Variants in SORCS2 observed in about 807,000 individuals in gnomAD.
SORCS2 encodes sortilin related VPS10 domain containing receptor 2, also known as VPS10 domain-containing receptor SorCS2.
A neutral mutation model predicts 141.6 loss-of-function variants in SORCS2; 100 were observed. The ratio of observed to expected loss-of-function variants is 0.71; its 90% CI spans 0.60 to 0.83. The LOEUF (loss-of-function observed/expected upper bound fraction) is 0.83, where lower values mean the gene tolerates loss of function less well. SORCS2 is among the 40% of genes least tolerant of loss of function. The pLI is 0.00. For missense variants in SORCS2, 1,646 were observed against 1,560.2 expected, an observed-to-expected ratio of 1.05 and a Z score of -0.93; for synonymous variants, 789 against 676.9, an observed-to-expected ratio of 1.17 and a Z score of -2.57.
intron 1 of SORCS2, among the ~76,000 whole-genome samples, chr4:7,231,072 A>G (rs1039576149): frequency 6.6e-6 from 1 of 152,218 alleles, no homozygotes; most frequent in Non-Finnish European, 1.5e-5. Context: ...ATATTTTCAT[A>G]TCTATGACAG....
Position 7,443,928 on chromosome 4 carries a change from G to A in SORCS2, c.548+47573G>A, listed in dbSNP as rs116129662. Reference sequence around the variant, plus strand: ...CCTGGCCTGGCTGCCGCTGCTGGCCGATCTTAACACAATGGGCCCCACATG... The same window carrying A: ...CCTGGCCTGGCTGCCGCTGCTGGCCAATCTTAACACAATGGGCCCCACATG... On this transcript the variant is annotated intron_variant, in intron 2 of 26. Transcript: ENST00000507866. 8.5e-3 allele frequency among the ~76,000 whole-genome samples: 1,298 copies of A among 152,318 alleles called. 27 individuals are homozygous for A. The highest frequency in any genetic ancestry group is 0.029 in the African/African-American group (1,220 of 41,554).
chr4:7,336,450 G>A (rs111281057), intron 1 of SORCS2, among the ~76,000 whole-genome samples: 3 of 150,478 alleles, frequency 2.0e-5, no homozygotes, highest in Non-Finnish European at 3.0e-5. Flanking sequence ...TTGTCTCCAA[G>A]GATGGGGTTT....
At chr4:7,501,124 G>C (rs958300488) in intron 2 of SORCS2, among the ~76,000 whole-genome samples, 1 of 152,162 alleles carries the variant, frequency 6.6e-6, no homozygotes, top group Non-Finnish European at 1.5e-5. Context: ...CGGGTGAGAC[G>C]AATCTTGCCC....
intron 1 of SORCS2, among the ~76,000 whole-genome samples, chr4:7,351,564 A>T (rs984293704): frequency 1.3e-5 from 2 of 152,088 alleles, no homozygotes; most frequent in Non-Finnish European, 2.9e-5. Context: ...GCCCTTGCTG[A>T]CTGAGTGAGC....
Position 7,658,345 on chromosome 4 carries a change from G to A in SORCS2, c.888-3155G>A, listed in dbSNP as rs1335829303. On this transcript the variant is annotated intron_variant, in intron 5 of 26. Coordinates refer to ENST00000507866, the MANE Select transcript of SORCS2 (RefSeq NM_020777.3). ...TGGGTGAGTGGGTGAATGAATGAGT[G>A]AGGGCAGAGGGAGCCTGTGCCCCAG... 2.6e-5 allele frequency among the ~76,000 whole-genome samples: 4 copies of A among 152,224 alleles called. No homozygotes were observed. In the East Asian group the frequency reaches 5.8e-4, roughly 22 times the overall value.
Position 7,373,241 on chromosome 4 carries a change from A to G in SORCS2, c.481-23047A>G, listed in dbSNP as rs529774076. ...CTGGTTGCTCCACGTCCTCTTCAGC[A>G]CTTTTTTCAACTTCTAAATTTTAGT... On this transcript the variant is annotated intron_variant, in intron 1 of 26. Coordinates refer to ENST00000507866, the MANE Select transcript of SORCS2 (RefSeq NM_020777.3). 1.2e-4 allele frequency among the ~76,000 whole-genome samples: 18 copies of G among 151,346 alleles called. No individual in the cohort carries two copies. The South Asian group carries it at 3.8e-3, about 32-fold the overall frequency.
rs1019150482 is a variant in SORCS2 at position 7,374,140 on chromosome 4, T to A, written c.481-22148T>A. On this transcript the variant is annotated intron_variant, in intron 1 of 26. Transcript: ENST00000507866. Reference sequence around the variant, plus strand: ...CTTTCTTTCTTTCCCTCTTTCTTTCTTTCTTTCTTTCTTTCTTTCTTTCTT... The same window carrying A: ...CTTTCTTTCTTTCCCTCTTTCTTTCATTCTTTCTTTCTTTCTTTCTTTCTT... 8.1e-4 allele frequency among the ~76,000 whole-genome samples: 103 copies of A among 126,908 alleles called. 1 individual carries two copies. The highest frequency in any genetic ancestry group is 2.7e-3 in the African/African-American group (88 of 32,946). The allele number at this position is 126,908 out of a possible 152,430, so 83.3% of individuals were successfully genotyped here.
intron 3 of SORCS2, among the ~76,000 whole-genome samples, chr4:7,607,147 A>G (rs1718110763): frequency 6.6e-6 from 1 of 152,230 alleles, no homozygotes; most frequent in Admixed American, 6.5e-5. Flanking sequence ...TGGTCTGGCC[A>G]CAAGAGTTAC....
At chr4:7,527,501 G>A (rs753143226) in intron 2 of SORCS2, among the ~76,000 whole-genome samples, 2 of 152,196 alleles carry the variant, frequency 1.3e-5, no homozygotes, top group African/African-American at 2.4e-5. Flanking sequence ...GCAGGAGGTC[G>A]CTAGCAGGTG....
intron 1 of SORCS2, among the ~76,000 whole-genome samples, chr4:7,224,736 G>A (rs1410639174): frequency 2.6e-5 from 4 of 152,224 alleles, no homozygotes; most frequent in Non-Finnish European, 5.9e-5. Flanking sequence ...TCAAGGAGGA[G>A]GAGGTGTGGC....
In SORCS2 at chr4:7,302,615, G is replaced by A. The variant is rs115832184; in HGVS notation, c.481-93673G>A. Among the ~76,000 whole-genome samples the A allele has an allele frequency of 7.1e-3, 1,076 of 152,166 alleles. 11 individuals carry two copies. The highest frequency in any genetic ancestry group is 0.024 in the African/African-American group (993 of 41,476). On this transcript the variant is annotated intron_variant, in intron 1 of 26. Coordinates refer to ENST00000507866, the MANE Select transcript of SORCS2 (RefSeq NM_020777.3). ...CTGACTTGGACCTGTTTTTCTCCATGGCAATGACCACAGTTGGACTTAACC... is the reference window on the plus strand; with the variant it reads ...CTGACTTGGACCTGTTTTTCTCCATAGCAATGACCACAGTTGGACTTAACC...
chr4:7,666,125 A>G (rs1722488368), intron 7 of SORCS2, among the ~76,000 whole-genome samples: 1 of 151,900 alleles, frequency 6.6e-6, no homozygotes, highest in East Asian at 1.9e-4. Context: ...GATTCAGGGG[A>G]GGCAGGAGAC....
intron 1 of SORCS2, among the ~76,000 whole-genome samples, chr4:7,294,463 G>A (rs1716814554): frequency 6.6e-6 from 1 of 151,884 alleles, no homozygotes; most frequent in Non-Finnish European, 1.5e-5. Flanking sequence ...CAGATCATCA[G>A]AGAGGCCTCT....
intron 1 of SORCS2, among the ~76,000 whole-genome samples, chr4:7,199,723 T>C (rs1020890238): frequency 1.3e-5 from 2 of 152,056 alleles, no homozygotes; most frequent in African/African-American, 4.8e-5. Flanking sequence ...CCTTCGTTTG[T>C]ATTCTCATCC....
chr4:7,736,883 C>T (rs1252182721), intron 25 of SORCS2, among the ~76,000 whole-genome samples, 186 bp from the exon 26 acceptor site: 2 of 152,132 alleles, frequency 1.3e-5, no homozygotes, highest in African/African-American at 4.8e-5. Context: ...GGAGGGCTTC[C>T]TGGAGGAAGT....
chr4:7,304,385 C>A (rs975933567), intron 1 of SORCS2, among the ~76,000 whole-genome samples: 1 of 152,196 alleles, frequency 6.6e-6, no homozygotes, highest in African/African-American at 2.4e-5. Context: ...CTCCTTCCCC[C>A]CTTTTATGCA....
chr4:7,434,454 C>T (rs766940391), intron 2 of SORCS2: 54 of 1,610,352 alleles, frequency 3.4e-5, no homozygotes, highest in East Asian at 2.9e-4. Context: ...GCCTCTGCAG[C>T]GGCTCACAGA....
At chr4:7,394,679 G>T (rs1326384286) in intron 1 of SORCS2, among the ~76,000 whole-genome samples, 1 of 152,154 alleles carries the variant, frequency 6.6e-6, no homozygotes, top group Non-Finnish European at 1.5e-5. Flanking sequence ...TGTCCACAGT[G>T]GCAGAGCTGG....
chr4:7,623,565 G>T (rs1049526483), intron 3 of SORCS2, among the ~76,000 whole-genome samples: 2 of 151,972 alleles, frequency 1.3e-5, no homozygotes, highest in Non-Finnish European at 2.9e-5. Context: ...CCTGTTGCCC[G>T]ACCTGTGGCA....
Sources: allele counts gnomAD v4.1 joint callset (sites outside exome capture counted in the v4.1 genomes callset), GRCh38; gene constraint gnomAD v4.1.1; transcripts MANE v1.5; gene names NCBI Gene and HGNC (gene_info 2026-07-23, HGNC 2026-07-21).